Variants in CDC14A observed in about 807,000 individuals in gnomAD.
CDC14A encodes the protein dual specificity protein phosphatase CDC14A.
In CDC14A, 53 loss-of-function variants were observed where a neutral mutation model predicts 74.4. The ratio of observed to expected loss-of-function variants is 0.71; its 90% CI spans 0.57 to 0.89. The LOEUF (loss-of-function observed/expected upper bound fraction) is 0.89, where lower values mean the gene tolerates loss of function less well. CDC14A is among the 40% of genes least tolerant of loss of function. The pLI, the probability that CDC14A is intolerant of heterozygous loss-of-function variation, is 0.00. For synonymous variants in CDC14A, 247 were observed against 258.4 expected, an observed-to-expected ratio of 0.96 and a Z score of 0.43; for missense variants, 646 against 713.7, an observed-to-expected ratio of 0.91 and a Z score of 1.08.
intron 10 of CDC14A, among the ~76,000 whole-genome samples, chr1:100,482,844 A>T (rs1407124067): frequency 6.6e-6 from 1 of 151,962 alleles, no homozygotes; most frequent in Non-Finnish European, 1.5e-5. Context: ...ATATTTTTTT[A>T]TACTTTAAGT....
intron 8 of CDC14A, among the ~76,000 whole-genome samples, chr1:100,459,221 C>T (rs1017633739): frequency 2.0e-5 from 3 of 152,000 alleles, no homozygotes; most frequent in East Asian, 1.9e-4. Flanking sequence ...CCCAGTGTCC[C>T]GTTTAGTAAA....
intron 4 of CDC14A, among the ~76,000 whole-genome samples, chr1:100,407,157 C>T (rs1660056788): frequency 6.6e-6 from 1 of 152,010 alleles, no homozygotes; most frequent in Non-Finnish European, 1.5e-5. Context: ...GTTCTTTCTG[C>T]TTAGGATCAT....
chr1:100,385,165 G>T (rs989582374), intron 3 of CDC14A, among the ~76,000 whole-genome samples: 3 of 152,210 alleles, frequency 2.0e-5, no homozygotes, highest in Non-Finnish European at 4.4e-5. Context: ...TACTTGACCA[G>T]ATGGACAGTG....
chr1:100,479,151 G>A (rs1277322033), intron 10 of CDC14A, among the ~76,000 whole-genome samples: 2 of 152,064 alleles, frequency 1.3e-5, no homozygotes, highest in Non-Finnish European at 2.9e-5. Context: ...TTTATTTCAG[G>A]AATTAGCAAA....
chr1:100,386,904 G>A (rs112136703), intron 3 of CDC14A, among the ~76,000 whole-genome samples: 23 of 152,194 alleles, frequency 1.5e-4, no homozygotes, highest in African/African-American at 5.5e-4. Flanking sequence ...TTCAATCATC[G>A]ATGTCTCCAC....
intron 1 of CDC14A, among the ~76,000 whole-genome samples, chr1:100,346,029 G>GCC (rs1650387341): frequency 6.6e-6 from 1 of 151,982 alleles, no homozygotes; most frequent in Non-Finnish European, 1.5e-5. Flanking sequence ...AAATTCACTG[G>GCC]GTGTGGGGGT....
intron 15 of CDC14A, among the ~76,000 whole-genome samples, chr1:100,517,632 A>G (rs1650341555): frequency 6.6e-6 from 1 of 152,188 alleles, no homozygotes; most frequent in South Asian, 2.1e-4. Flanking sequence ...TGTATGGTTT[A>G]CTTGAAAATT....
At chr1:100,495,009 A>C in intron 12 of CDC14A, 79 bp downstream of exon 12, 1 of 737,400 alleles carries the variant, frequency 1.4e-6, no homozygotes, top group South Asian at 1.8e-5. Context: ...TTTAATCTGT[A>C]ATCTTCTGTT....
intron 7 of CDC14A, among the ~76,000 whole-genome samples, chr1:100,444,937 G>T (rs2101139538): frequency 6.6e-6 from 1 of 152,108 alleles, no homozygotes; most frequent in Non-Finnish European, 1.5e-5. Context: ...AAAACCCAAA[G>T]AGAGTTTTTT....
At chr1:100,414,345 A>G (rs74103168) in intron 4 of CDC14A, among the ~76,000 whole-genome samples, 224 of 152,290 alleles carry the variant, frequency 1.5e-3, no homozygotes, top group African/African-American at 5.3e-3. Flanking sequence ...AAAAAACCGC[A>G]TATTATCTTT....
At chr1:100,367,959 C>T (rs1254262127) in intron 2 of CDC14A, among the ~76,000 whole-genome samples, 10 of 152,164 alleles carry the variant, frequency 6.6e-5, no homozygotes, top group Admixed American at 6.5e-4. Flanking sequence ...AGATCCTCAC[C>T]TATTTTTCCA....
At chr1:100,497,974 G>T (rs1012638018) in intron 13 of CDC14A, 111 bp from the exon 14 acceptor site, 3 of 1,149,864 alleles carry the variant, frequency 2.6e-6, no homozygotes, top group Non-Finnish European at 3.7e-6. Context: ...TCACTATTAG[G>T]ACCTGTCATG....
chr1:100,444,218 AT>A (rs1665281554), intron 7 of CDC14A, among the ~76,000 whole-genome samples: 1 of 152,164 alleles, frequency 6.6e-6, no homozygotes, highest in Non-Finnish European at 1.5e-5. Context: ...GTGCCACAGG[AT>A]GTATTAATTA....
chr1:100,384,082 T>G (rs1458541267), intron 3 of CDC14A, among the ~76,000 whole-genome samples: 3 of 152,242 alleles, frequency 2.0e-5, no homozygotes, highest in Non-Finnish European at 4.4e-5. Context: ...CTCTCCAAGT[T>G]GCTGTGGCTT....
At chr1:100,423,963 A>G in intron 4 of CDC14A, 1 of 407,282 alleles carries the variant, frequency 2.5e-6, no homozygotes, top group Non-Finnish European at 4.6e-6. Context: ...GTGTCTGTTC[A>G]GTGTGCCTTT....
At chr1:100,428,565 A>G (rs1388628058) in intron 5 of CDC14A, among the ~76,000 whole-genome samples, 1 of 152,164 alleles carries the variant, frequency 6.6e-6, no homozygotes, top group Non-Finnish European at 1.5e-5. Context: ...CTACTAAATT[A>G]TAGTGTATAC....
At chr1:100,388,917 G>T (rs1459183320) in intron 3 of CDC14A, among the ~76,000 whole-genome samples, 1 of 150,376 alleles carries the variant, frequency 6.6e-6, no homozygotes, top group African/African-American at 2.4e-5. Flanking sequence ...GCTCATGCCT[G>T]TAATCTCAGC....
At chr1:100,481,644 A>G (rs935178670) in intron 10 of CDC14A, among the ~76,000 whole-genome samples, 11 of 152,206 alleles carry the variant, frequency 7.2e-5, no homozygotes, top group African/African-American at 2.4e-4. Flanking sequence ...GGGCAAGGAC[A>G]TGGCTGAAAA....
chr1:100,366,286 C>T (rs1653593048), intron 2 of CDC14A, among the ~76,000 whole-genome samples: 1 of 152,164 alleles, frequency 6.6e-6, no homozygotes, highest in Admixed American at 6.5e-5. Flanking sequence ...TAATGCCTTG[C>T]TCAGAATAGG....
Sources: gnomAD v4.1 joint callset for allele counts (sites outside exome capture counted in the v4.1 genomes callset) on GRCh38, gnomAD v4.1.1 for gene constraint, MANE v1.5 for transcripts, NCBI Gene and HGNC (gene_info 2026-07-23, HGNC 2026-07-21) for gene names.